Variants in TMEM108 observed in about 807,000 individuals in gnomAD.
TMEM108 encodes the protein transmembrane protein 108, also known as cancer/testis antigen 124.
TMEM108 carries 12 observed loss-of-function variants against 35.1 expected under a neutral mutation model. The observed-to-expected ratio is 0.34, with a 90% confidence interval of 0.22 to 0.55. TMEM108 has a LOEUF of 0.55. Among genes scored for constraint, TMEM108 ranks in the 20% least tolerant of loss-of-function variants. The probability of loss-of-function intolerance (pLI) is 0.89; values close to 1 mark genes in which losing one functional copy is unlikely to be tolerated. For synonymous variants in TMEM108, 287 were observed against 308.6 expected, an observed-to-expected ratio of 0.93 and a Z score of 0.73; for missense variants, 680 against 753.3, an observed-to-expected ratio of 0.90 and a Z score of 1.14.
chr3:133,380,999 C>G lies in TMEM108; in HGVS notation c.1288C>G (p.Leu430Val). 3.1e-6 allele frequency: 5 copies of G among 1,614,240 alleles called. No individual in the cohort carries two copies. The highest frequency in any genetic ancestry group is 4.2e-6 in the Non-Finnish European group (5 of 1,180,040). The change falls in exon 4 of 6, where the codon CTC becomes GTC. Residue 430 changes from leucine (L) to valine (V), a missense_variant. Coordinates refer to ENST00000321871, the MANE Select transcript of TMEM108 (RefSeq NM_023943.4). The surrounding 1 kb of genome is among the most constrained non-coding windows in gnomAD (Gnocchi z 5.3). ...GGTATCCACAGCCACAGGCAATTTC[C>G]TCAACCGCCTGGTCCCCGCCGGGAC... ...TVVSTATGNF[L>V]NRLVPAGTWK...
At chr3:133,187,129 A>G (rs1206260702) in intron 2 of TMEM108, among the ~76,000 whole-genome samples, 5 of 152,250 alleles carry the variant, frequency 3.3e-5, no homozygotes, top group Admixed American at 1.3e-4. Context: ...CTCCATATGC[A>G]GATAACGTAG....
chr3:133,128,077 CTT>C (rs1171119643), intron 2 of TMEM108, among the ~76,000 whole-genome samples: 4 of 152,212 alleles, frequency 2.6e-5, no homozygotes, highest in Admixed American at 1.3e-4. Context: ...TGGATAAAGA[CTT>C]AGCCTTGCCA....
At chr3:133,377,395 G>T (rs1051566478) in intron 3 of TMEM108, among the ~76,000 whole-genome samples, 13 of 152,186 alleles carry the variant, frequency 8.5e-5, no homozygotes, top group Non-Finnish European at 1.8e-4. Context: ...CCCTGAGCAG[G>T]TCAGAGCATA....
chr3:133,275,696 C>A (rs150523151), intron 3 of TMEM108, among the ~76,000 whole-genome samples: 27 of 152,098 alleles, frequency 1.8e-4, no homozygotes, highest in African/African-American at 6.5e-4. Context: ...GAGCAGCACT[C>A]CATGATCAAA....
At chr3:133,073,472 A>G (rs1322267564) in intron 2 of TMEM108, among the ~76,000 whole-genome samples, 1 of 78,722 alleles carries the variant, frequency 1.3e-5, no homozygotes, top group Non-Finnish European at 2.5e-5. Context: ...TTTAAGGCTG[A>G]ATAGTATTCT....
chr3:133,286,506 A>C (rs994717014), intron 3 of TMEM108, among the ~76,000 whole-genome samples: 1 of 152,022 alleles, frequency 6.6e-6, no homozygotes, highest in Non-Finnish European at 1.5e-5. Context: ...GCTAATTAAA[A>C]ATTTTTTTTT....
chr3:133,272,395 G>A (rs1576425539), intron 3 of TMEM108, among the ~76,000 whole-genome samples: 1 of 151,658 alleles, frequency 6.6e-6, no homozygotes, highest in East Asian at 1.9e-4. Flanking sequence ...TAGACCCTAT[G>A]GTCATTACTG....
At position 133,277,639 on chromosome 3, in the gene TMEM108, G is replaced by A. The variant is rs142800912; in HGVS notation, c.40+48288G>A. 8.5e-5 allele frequency among the ~76,000 whole-genome samples: 13 copies of A among 152,230 alleles called. No homozygotes were observed. In the East Asian group the frequency reaches 2.5e-3, roughly 29 times the overall value. ...CTCAGTCAGCCCTGGCATTCCGCCG[G>A]GCACCGCATTGTTCTATTTAACCTT... On this transcript the variant is annotated intron_variant, in intron 3 of 5. Transcript: ENST00000321871.
intron 2 of TMEM108, among the ~76,000 whole-genome samples, chr3:133,191,054 A>G (rs994781218): frequency 6.6e-6 from 1 of 152,112 alleles, no homozygotes; most frequent in Non-Finnish European, 1.5e-5. Context: ...GTTCATTTTT[A>G]TTCTTAATGA....
At chr3:133,296,716 G>A (rs778722010) in intron 3 of TMEM108, among the ~76,000 whole-genome samples, 3 of 152,138 alleles carry the variant, frequency 2.0e-5, no homozygotes, top group African/African-American at 4.8e-5. Context: ...GGACTTGGGG[G>A]CTGTTGATGG....
chr3:133,184,964 C>T (rs568846815), intron 2 of TMEM108, among the ~76,000 whole-genome samples: 13 of 152,246 alleles, frequency 8.5e-5, no homozygotes, highest in South Asian at 6.2e-4. Context: ...TTTGCAAACC[C>T]GCCACATATA....
At chr3:133,166,742 C>T (rs1945044461) in intron 2 of TMEM108, among the ~76,000 whole-genome samples, 2 of 152,150 alleles carry the variant, frequency 1.3e-5, no homozygotes, top group Admixed American at 6.5e-5. Context: ...AAAGGCAGTA[C>T]AGACCCAAAG....
intron 3 of TMEM108, among the ~76,000 whole-genome samples, chr3:133,361,537 T>G (rs2072349203): frequency 6.6e-6 from 1 of 152,204 alleles, no homozygotes; most frequent in Non-Finnish European, 1.5e-5. Context: ...AAGTGTGCAA[T>G]CTGGAAAATA....
At chr3:133,250,185 G>A (rs1238140530) in intron 3 of TMEM108, among the ~76,000 whole-genome samples, 1 of 152,052 alleles carries the variant, frequency 6.6e-6, no homozygotes, top group Non-Finnish European at 1.5e-5. Context: ...TTATACAGTT[G>A]GCCCTTGAAC....
intron 2 of TMEM108, 85 bp downstream of exon 2, chr3:133,046,105 T>C (rs543447048): frequency 6.5e-6 from 1 of 152,764 alleles, no homozygotes; most frequent in South Asian, 2.1e-4. Flanking sequence ...TTGGAGTCAG[T>C]GCAATATGAT....
intron 2 of TMEM108, among the ~76,000 whole-genome samples, chr3:133,164,983 T>G (rs1945016293): frequency 7.4e-6 from 1 of 135,002 alleles, no homozygotes; most frequent in Admixed American, 8.0e-5. Flanking sequence ...ATTTGTACAC[T>G]TACAGTAACA....
intron 3 of TMEM108, among the ~76,000 whole-genome samples, chr3:133,272,499 G>A (rs1215755952): frequency 6.6e-6 from 1 of 151,468 alleles, no homozygotes; most frequent in Non-Finnish European, 1.5e-5. Context: ...GATGCTAAAG[G>A]ACTGCCCAAA....
At chr3:133,128,077 C>G (rs1944440402) in intron 2 of TMEM108, among the ~76,000 whole-genome samples, 1 of 152,212 alleles carries the variant, frequency 6.6e-6, no homozygotes, top group African/African-American at 2.4e-5. Context: ...TGGATAAAGA[C>G]TTAGCCTTGC....
intron 1 of TMEM108, among the ~76,000 whole-genome samples, chr3:133,038,967 G>T (rs1271813285): frequency 6.6e-6 from 1 of 152,222 alleles, no homozygotes; most frequent in African/African-American, 2.4e-5. Context: ...GCCTCGCCGG[G>T]GACGGAGCCT....
Sources: gnomAD v4.1 joint callset for allele counts (sites outside exome capture counted in the v4.1 genomes callset) on GRCh38, gnomAD v4.1.1 for gene constraint, Gnocchi (gnomAD v3.1) non-coding constraint, MANE v1.5 for transcripts, NCBI Gene and HGNC (gene_info 2026-07-23, HGNC 2026-07-21) for gene names.